Variants in AP3B1 observed in about 807,000 individuals in gnomAD.
AP3B1 encodes adaptor related protein complex 3 subunit beta 1.
AP3B1 carries 61 observed loss-of-function variants against 132.5 expected under a neutral mutation model. That is an observed-to-expected ratio of 0.46 (90% CI 0.37 to 0.57). AP3B1 has a LOEUF of 0.57. AP3B1 is among the 20% of genes least tolerant of loss of function. The pLI is 0.00. For missense variants in AP3B1, 1,120 were observed against 1,289.4 expected (o/e 0.87, Z 2.01); for synonymous variants, 388 against 438.3 (o/e 0.89, Z 1.43).
chr5:78,214,060 A>G (rs1466129703), intron 7 of AP3B1, among the ~76,000 whole-genome samples: 1 of 152,222 alleles, frequency 6.6e-6, no homozygotes, highest in Non-Finnish European at 1.5e-5. Flanking sequence ...GCTGATGTGC[A>G]CACTGGAAAA....
Position 78,139,115 on chromosome 5 carries a change from C to T in AP3B1, c.1650+2028G>A, listed in dbSNP as rs1230467485. 2.0e-5 allele frequency among the ~76,000 whole-genome samples: 3 copies of T among 148,570 alleles called. No homozygotes were observed. In the East Asian group the frequency reaches 5.9e-4, roughly 29 times the overall value. On this transcript the variant is annotated intron_variant, in intron 15 of 26. Coordinates refer to ENST00000255194, the MANE Select transcript of AP3B1 (RefSeq NM_003664.5). ...GTAAAAAGACATGAAACATGCTCTA[C>T]AATAAACAGTACTACATTTCATTAT...
At chr5:78,023,788 G>C (rs1468364970) in intron 24 of AP3B1, among the ~76,000 whole-genome samples, 1 of 152,190 alleles carries the variant, frequency 6.6e-6, no homozygotes, top group Non-Finnish European at 1.5e-5. Context: ...AGGCTGTTCA[G>C]ATTGCAGGAA....
rs939262672 is a variant in AP3B1 at position 78,169,744 on chromosome 5, TA to T, written c.1168-4073del. The stretch of plus-strand genomic sequence containing the variant: ...TGCCAAGCCCTGAAGTTTATTTATT[TA>T]TTTATTTATTTATTTATTTATATTA... On this transcript the variant is annotated intron_variant, in intron 11 of 26. Coordinates refer to ENST00000255194, the MANE Select transcript of AP3B1 (RefSeq NM_003664.5). Among the ~76,000 whole-genome samples the T allele has an allele frequency of 2.0e-3, 296 of 151,418 alleles. 1 individual carries two copies. Among genetic ancestry groups the T allele is most frequent in the African/African-American group, 6.2e-3 (257 of 41,312 alleles).
intron 22 of AP3B1, among the ~76,000 whole-genome samples, chr5:78,048,412 T>C (rs1276901022): frequency 1.3e-5 from 2 of 152,132 alleles, no homozygotes; most frequent in African/African-American, 4.8e-5. Flanking sequence ...TAGAAACACA[T>C]TCAGCCCATG....
intron 1 of AP3B1, among the ~76,000 whole-genome samples, chr5:78,281,068 T>G (rs1393856001): frequency 6.6e-6 from 1 of 152,186 alleles, no homozygotes; most frequent in Non-Finnish European, 1.5e-5. Flanking sequence ...AAATTTGTAC[T>G]TGACAGGAAT....
chr5:78,269,658 T>G lies in AP3B1; in HGVS notation c.129-2063A>C, dbSNP rs192332481. 9.8e-5 allele frequency among the ~76,000 whole-genome samples: 15 copies of G among 152,332 alleles called. No homozygotes were observed. In the East Asian group the frequency reaches 2.9e-3, roughly 29 times the overall value. The stretch of plus-strand genomic sequence containing the variant: ...GGGGAAAATTAAGACTATGTAGTAC[T>G]GTACACTATATCAGTGCTACTTAAA... On this transcript the variant is annotated intron_variant, in intron 1 of 26. Coordinates refer to ENST00000255194, the MANE Select transcript of AP3B1 (RefSeq NM_003664.5).
At chr5:78,272,751 G>C (rs991841133) in intron 1 of AP3B1, among the ~76,000 whole-genome samples, 1 of 152,192 alleles carries the variant, frequency 6.6e-6, no homozygotes, top group Non-Finnish European at 1.5e-5. Flanking sequence ...TCAAATAAGA[G>C]AGTTAGTTAT....
At chr5:78,096,936 C>T (rs1420281778) in intron 21 of AP3B1, among the ~76,000 whole-genome samples, 6 of 137,794 alleles carry the variant, frequency 4.4e-5, no homozygotes, top group Admixed American at 2.1e-4. Context: ...AGGTGAGGGG[C>T]GCCTCTGCCC....
At chr5:78,267,495 T>C in intron 2 of AP3B1, 25 bp downstream of exon 2, 2 of 1,522,090 alleles carry the variant, frequency 1.3e-6, no homozygotes, top group Non-Finnish European at 1.8e-6. Context: ...TTTCCAAAAT[T>C]GAAGTAAATG....
At chr5:78,232,842 G>A (rs1746704543) in intron 3 of AP3B1, among the ~76,000 whole-genome samples, 1 of 152,062 alleles carries the variant, frequency 6.6e-6, no homozygotes, top group South Asian at 2.1e-4. Context: ...GAAAAGTTGG[G>A]ACCACAGGTG....
intron 14 of AP3B1, among the ~76,000 whole-genome samples, chr5:78,146,220 T>C (rs1203587034): frequency 2.0e-5 from 3 of 152,174 alleles, no homozygotes; most frequent in Non-Finnish European, 4.4e-5. Flanking sequence ...AACAGAGAGA[T>C]TCTGGGGATT....
intron 21 of AP3B1, 30 bp from the exon 22 acceptor site, chr5:78,089,529 T>C (rs753315299): frequency 1.1e-5 from 15 of 1,364,388 alleles, no homozygotes; most frequent in Non-Finnish European, 1.6e-5. Context: ...TTAGTAAATG[T>C]GCATGAACGT....
intron 7 of AP3B1, among the ~76,000 whole-genome samples, chr5:78,205,455 G>A (rs989877987): frequency 6.0e-5 from 9 of 149,860 alleles, no homozygotes; most frequent in South Asian, 2.1e-4. Context: ...ACACACACAC[G>A]CACACAAATA....
At chr5:78,012,899 T>C (rs1025024521) in intron 26 of AP3B1, among the ~76,000 whole-genome samples, 4 of 152,238 alleles carry the variant, frequency 2.6e-5, no homozygotes, top group Non-Finnish European at 1.5e-5. Context: ...GTATTACAGG[T>C]ATTACATTCC....
At chr5:78,228,315 C>T in intron 3 of AP3B1, 76 bp from the exon 4 acceptor site, 1 of 873,934 alleles carries the variant, frequency 1.1e-6, no homozygotes, top group Non-Finnish European at 1.8e-6. Context: ...AAAATCCATG[C>T]TCAATTCTTC....
At chr5:78,213,385 T>C (rs1316520571) in intron 7 of AP3B1, among the ~76,000 whole-genome samples, 2 of 152,232 alleles carry the variant, frequency 1.3e-5, no homozygotes, top group African/African-American at 4.8e-5. Context: ...ATGGTCCTAG[T>C]GTTGACCACT....
At chr5:78,170,473 A>G (rs1311405022) in intron 11 of AP3B1, among the ~76,000 whole-genome samples, 1 of 152,034 alleles carries the variant, frequency 6.6e-6, no homozygotes, top group African/African-American at 2.4e-5. Context: ...ATGGTATTTC[A>G]TTGTGGTTTT....
At chr5:78,120,968 T>A (rs1160558895) in intron 17 of AP3B1, among the ~76,000 whole-genome samples, 4 of 151,982 alleles carry the variant, frequency 2.6e-5, no homozygotes, top group Non-Finnish European at 2.9e-5. Flanking sequence ...GCAAATGTAA[T>A]AGAACAGAAA....
At chr5:78,144,038 G>A (rs1753274758) in intron 14 of AP3B1, among the ~76,000 whole-genome samples, 1 of 151,634 alleles carries the variant, frequency 6.6e-6, no homozygotes, top group East Asian at 1.9e-4. Flanking sequence ...GTCACTTTTT[G>A]TTCCCCATGG....
Sources: gnomAD v4.1 joint callset for allele counts (sites outside exome capture counted in the v4.1 genomes callset) on GRCh38, gnomAD v4.1.1 for gene constraint, MANE v1.5 for transcripts, NCBI Gene and HGNC (gene_info 2026-07-23, HGNC 2026-07-21) for gene names.